Variants in DNTT observed in about 807,000 individuals in gnomAD.
DNTT encodes DNA nucleotidylexotransferase, also known as nucleosidetriphosphate:DNA deoxynucleotidylexotransferase.
A neutral mutation model predicts 60.9 loss-of-function variants in DNTT; 47 were observed. The ratio of observed to expected loss-of-function variants is 0.77; its 90% CI spans 0.61 to 0.98. The LOEUF (loss-of-function observed/expected upper bound fraction) is 0.98, where lower values mean the gene tolerates loss of function less well. Ranked by LOEUF, DNTT falls within the 50% of genes least tolerant of loss-of-function variation. The pLI is 0.00. For missense variants in DNTT, 665 were observed against 627.5 expected (o/e 1.06, Z -0.64); for synonymous variants, 224 against 221.2 (o/e 1.01, Z -0.11).
chr10:96,328,146 G>A (rs1844960605), intron 7 of DNTT, among the ~76,000 whole-genome samples: 1 of 152,202 alleles, frequency 6.6e-6, no homozygotes, highest in Admixed American at 6.5e-5. Flanking sequence ...ATGAATTCAT[G>A]AATGAGTGAA....
intron 1 of DNTT, among the ~76,000 whole-genome samples, chr10:96,317,704 G>A (rs1032463686): frequency 6.6e-6 from 1 of 152,202 alleles, no homozygotes; most frequent in Non-Finnish European, 1.5e-5. Context: ...AGGACACACA[G>A]TGGGTGCCAT....
chr10:96,327,622 GCCT>G (rs753800569), intron 7 of DNTT, 22 bp downstream of exon 7: 33 of 1,601,978 alleles, frequency 2.1e-5, no homozygotes, highest in South Asian at 1.7e-4. Flanking sequence ...GGGTGGCTTT[GCCT>G]CCTCTGCCCG....
rs1458678408 is a variant in DNTT, at chr10:96,318,435, G to T, written c.287G>T (p.Ser96Ile). ...CTTCAAGCACAGAAAGTACAAGTCA[G>T]CTCACAACCAGAGCTCCTCGATGTC... ...EWLQAQKVQVSSQPELLDVSW... is the reference protein window; with the variant it reads ...EWLQAQKVQVISQPELLDVSW... The change falls in exon 2 of 11, where the codon AGC (serine) becomes ATC (isoleucine). Residue 96 changes from serine to isoleucine, a missense_variant. Ser to Ile is a moderately radical substitution (Grantham distance 142, BLOSUM62 -2). Transcript: ENST00000371174. 6.2e-7 allele frequency: 1 copy of T among 1,613,984 alleles called. No individual in the cohort carries two copies. Among genetic ancestry groups the T allele is most frequent in the Non-Finnish European group, 8.5e-7 (1 of 1,179,870 alleles).
In DNTT at chr10:96,304,449, T is replaced by A. The variant is rs1485786464; in HGVS notation, c.-49T>A. 1 of 1,608,082 alleles carries A rather than the reference T, an allele frequency of 6.2e-7. No homozygotes were observed. Among genetic ancestry groups the A allele is most frequent in the Admixed American group, 1.7e-5 (1 of 59,932 alleles). On this transcript the variant is annotated 5_prime_UTR_variant, in exon 1 of 11. Coordinates refer to ENST00000371174, the MANE Select transcript of DNTT (RefSeq NM_004088.4). ...GGAGGGTGGCAGTCTCCCTCCCTTC[T>A]GGAGACACCACCAGATGGGCCAGCC... is the stretch of plus-strand genomic sequence containing the variant.
chr10:96,327,728 T>C (rs1382112095), intron 7 of DNTT, 128 bp downstream of exon 7: 2 of 1,417,560 alleles, frequency 1.4e-6, no homozygotes, highest in African/African-American at 1.4e-5. Context: ...CTTTATCTCC[T>C]GCCTCTCACA....
intron 5 of DNTT, among the ~76,000 whole-genome samples, chr10:96,323,952 T>C (rs957563534): frequency 3.9e-5 from 6 of 152,158 alleles, no homozygotes; most frequent in Admixed American, 6.5e-5. Context: ...GAGAGCCCTA[T>C]AGAGCTAGCG....
chr10:96,317,046 TTTCTC>T (rs1212867720), intron 1 of DNTT, among the ~76,000 whole-genome samples: 2 of 152,196 alleles, frequency 1.3e-5, no homozygotes, highest in African/African-American at 4.8e-5. Context: ...ATTGCTATGT[TTTCTC>T]TTCGATGCTT....
At chr10:96,325,716 C>T (rs554032607) in intron 6 of DNTT, among the ~76,000 whole-genome samples, 2 of 152,326 alleles carry the variant, frequency 1.3e-5, no homozygotes, top group South Asian at 4.1e-4. Context: ...TCCCATTATA[C>T]TTATACCCCC....
rs1170643201 is a variant in DNTT at position 96,304,544 on chromosome 10, C to T, written c.47C>T (p.Pro16Leu). The change falls in exon 1 of 11, where the codon CCC becomes CTC. Residue 16 changes from proline to leucine, a missense_variant. Transcript: ENST00000371174. ...CACTTGAGCCCTCGGAAGAAGAGAC[C>T]CCGGCAGACGGGTGCCTTGATGGCC... ...ASHLSPRKKR[P>L]RQTGALMASS... 6.2e-7 allele frequency: 1 copy of T among 1,614,064 alleles called. No individual in the cohort carries two copies. Among genetic ancestry groups the T allele is most frequent in the East Asian group, 2.2e-5 (1 of 44,866 alleles).
chr10:96,311,663 A>G (rs57728159), intron 1 of DNTT, among the ~76,000 whole-genome samples: 1 of 152,032 alleles, frequency 6.6e-6, no homozygotes, highest in Non-Finnish European at 1.5e-5. Context: ...GTTTGGGGGG[A>G]GACAGGGCCT....
intron 9 of DNTT, among the ~76,000 whole-genome samples, chr10:96,334,060 G>A (rs1450372997): frequency 1.3e-5 from 2 of 152,104 alleles, no homozygotes; most frequent in Non-Finnish European, 2.9e-5. Context: ...GTATATAGAT[G>A]TATCAAAATA....
intron 1 of DNTT, among the ~76,000 whole-genome samples, 178 bp downstream of exon 1, chr10:96,304,878 A>G (rs575188844): frequency 2.0e-5 from 3 of 152,218 alleles, no homozygotes; most frequent in Non-Finnish European, 4.4e-5. Context: ...GTGGGGACTG[A>G]ATACAATTAT....
Position 96,332,718 on chromosome 10 carries a change from C to T in DNTT, c.1359+122C>T, listed in dbSNP as rs1845022423. The stretch of plus-strand genomic sequence containing the variant: ...TGGGTGACAGGGGAGGGGCCAGTAC[C>T]CAGAAACCTCTAACTCAAGGCATCC... On this transcript the variant is annotated intron_variant, in intron 9 of 10. Transcript: ENST00000371174. 7.0e-6 allele frequency: 10 copies of T among 1,428,628 alleles called. No individual in the cohort carries two copies. In the Admixed American group the frequency reaches 8.8e-5, roughly 13 times the overall value. The allele number at this position is 1,428,628 out of a possible 1,614,324, so 88.5% of individuals were successfully genotyped here. A position where few individuals can be genotyped will look rare whatever the true frequency, so the allele number is the denominator to read the frequency against.
chr10:96,319,331 A>C lies in DNTT; in HGVS notation c.448A>C (p.Ile150Leu), dbSNP rs776264447. The change falls in exon 3 of 11, where the codon ATC (isoleucine) becomes CTC (leucine). Residue 150 changes from isoleucine (I) to leucine (L), a missense_variant. By Grantham distance (5) the Ile-to-Leu change is conservative. Transcript: ENST00000371174. The part of the protein sequence containing the change: ...PKTPPIAVQK[I>L]SQYACQRRTT... ...GACTCCACCAATTGCTGTACAAAAG[A>C]TCTCCCAGTATGCGTGTCAGAGAAG... 2 of 1,613,902 alleles carry C rather than the reference A, an allele frequency of 1.2e-6. No homozygotes were observed. The highest frequency in any genetic ancestry group is 8.5e-7 in the Non-Finnish European group (1 of 1,179,818).
intron 8 of DNTT, 50 bp downstream of exon 8, chr10:96,328,880 CT>C: frequency 6.4e-7 from 1 of 1,562,670 alleles, no homozygotes; most frequent in Non-Finnish European, 8.7e-7. Flanking sequence ...TATGTTAACA[CT>C]TGAATTTTGC....
rs144340540 is a variant in DNTT at position 96,333,350 on chromosome 10, C to A, written c.1359+754C>A. Among the ~76,000 whole-genome samples, 1,319 of 152,246 alleles carry A rather than the reference C, an allele frequency of 8.7e-3. 12 individuals are homozygous for A. The highest frequency in any genetic ancestry group is 0.024 in the Middle Eastern group (7 of 294). Reference sequence around the variant, plus strand: ...TAGTGAGGCTGTGGAGAAAAGGGAACCCTCTTGTATTGTTGGTGGTGTTGT... The same window carrying A: ...TAGTGAGGCTGTGGAGAAAAGGGAAACCTCTTGTATTGTTGGTGGTGTTGT... On this transcript the variant is annotated intron_variant, in intron 9 of 10. Transcript: ENST00000371174.
Position 96,318,545 on chromosome 10 carries a change from ATTTT to A in DNTT, c.378+20_378+23del. ...GCTTGTTGTAAGTGTCATGGGTGTG[ATTTT>A]CACTGTTCTTTGCTTGATGGTTAAG... On this transcript the variant is annotated intron_variant, in intron 2 of 10. Coordinates refer to ENST00000371174, the MANE Select transcript of DNTT (RefSeq NM_004088.4). 6.2e-7 allele frequency: 1 copy of A among 1,609,940 alleles called. No individual in the cohort carries two copies. The highest frequency in any genetic ancestry group is 8.5e-7 in the Non-Finnish European group (1 of 1,177,688).
At chr10:96,308,183 C>A (rs1226315368) in intron 1 of DNTT, among the ~76,000 whole-genome samples, 2 of 152,212 alleles carry the variant, frequency 1.3e-5, no homozygotes, top group Non-Finnish European at 2.9e-5. Flanking sequence ...TCCTGCTTTA[C>A]TTGGGCCTGA....
intron 4 of DNTT, 96 bp downstream of exon 4, chr10:96,320,884 G>A (rs951299100): frequency 2.1e-6 from 3 of 1,461,212 alleles, no homozygotes; most frequent in Non-Finnish European, 2.8e-6. Context: ...CAACTATGTA[G>A]ATGTGGTGTA....
Sources: allele counts gnomAD v4.1 joint callset (sites outside exome capture counted in the v4.1 genomes callset), GRCh38; gene constraint gnomAD v4.1.1; transcripts MANE v1.5; gene names NCBI Gene and HGNC (gene_info 2026-07-23, HGNC 2026-07-21).